The following PAK5 variants were observed in gnomAD, a reference collection of about 807,000 sequenced individuals.
PAK5 encodes the protein p21 (RAC1) activated kinase 5.
PAK5 carries 16 observed loss-of-function variants against 65.9 expected under a neutral mutation model. The observed-to-expected ratio is 0.24, with a 90% confidence interval of 0.16 to 0.37. The LOEUF (loss-of-function observed/expected upper bound fraction) is 0.37. Among genes scored for constraint, PAK5 ranks in the 10% least tolerant of loss-of-function variants. The pLI, the probability that PAK5 is intolerant of heterozygous loss-of-function variation, is 1.00. For missense variants in PAK5, 785 were observed against 903.9 expected (o/e 0.87, Z 1.69); for synonymous variants, 371 against 354.9 (o/e 1.05, Z -0.51).
At chr20:9,596,020 C>A (rs996918629) in intron 3 of PAK5, among the ~76,000 whole-genome samples, 1 of 152,210 alleles carries the variant, frequency 6.6e-6, no homozygotes, top group Non-Finnish European at 1.5e-5. Context: ...TTGGCCTTCA[C>A]TGTTGAACTA....
At chr20:9,728,856 A>G (rs890258511) in intron 1 of PAK5, among the ~76,000 whole-genome samples, 1 of 152,078 alleles carries the variant, frequency 6.6e-6, no homozygotes, top group Non-Finnish European at 1.5e-5. Context: ...ACAATAGCGG[A>G]ATTAAGTCGT....
chr20:9,716,096 GA>G (rs1220078565), intron 1 of PAK5, among the ~76,000 whole-genome samples: 7 of 55,930 alleles, frequency 1.3e-4, no homozygotes, highest in Admixed American at 2.0e-4. Context: ...TGCAGTAGCT[GA>G]AAAAAAATAT....
At chr20:9,725,616 A>G (rs926065751) in intron 1 of PAK5, among the ~76,000 whole-genome samples, 3 of 152,198 alleles carry the variant, frequency 2.0e-5, no homozygotes, top group Admixed American at 6.5e-5. Context: ...GATAAATTTA[A>G]TTAATGAAGA....
chr20:9,827,570 G>C (rs1978362367), intron 1 of PAK5, among the ~76,000 whole-genome samples: 1 of 151,246 alleles, frequency 6.6e-6, no homozygotes, highest in Admixed American at 6.6e-5. Context: ...ACAAAACATT[G>C]TGATGACTGT....
chr20:9,833,390 G>A lies in PAK5; in HGVS notation c.-162+5372C>T, dbSNP rs577630089. 3.4e-3 allele frequency among the ~76,000 whole-genome samples: 520 copies of A among 151,886 alleles called. 5 individuals are homozygous for A. Among genetic ancestry groups the A allele is most frequent in the Non-Finnish European group, 3.7e-3 (252 of 67,978 alleles). On this transcript the variant is annotated intron_variant, in intron 1 of 9. Transcript: ENST00000353224. ...AATTTACTTTTGTTTCAACAATGGC[G>A]CCCATTACCACTACCACTTCCATCT...
chr20:9,537,510 T>C lies in PAK5; in HGVS notation c.*1952A>G, dbSNP rs1326033352. 5 of 211,260 alleles carry C rather than the reference T, an allele frequency of 2.4e-5. No individual in the cohort carries two copies. Among genetic ancestry groups the C allele is most frequent in the African/African-American group, 1.1e-4 (5 of 44,066 alleles). The allele number at this position is 211,260 out of a possible 1,614,324, so 13.1% of individuals were successfully genotyped here. On this transcript the variant is annotated 3_prime_UTR_variant, in exon 10 of 10. Coordinates refer to ENST00000353224, the MANE Select transcript of PAK5 (RefSeq NM_177990.4). The stretch of plus-strand genomic sequence containing the variant: ...AATGAATACTTTAAAAAATACCCGA[T>C]GGTAAGAAAATTACAGAAAAATTTC...
intron 3 of PAK5, among the ~76,000 whole-genome samples, chr20:9,616,705 A>C (rs2046663957): frequency 6.6e-6 from 1 of 152,176 alleles, no homozygotes; most frequent in Non-Finnish European, 1.5e-5. Flanking sequence ...TGCAGTGCCC[A>C]GACAAGGCCC....
chr20:9,574,318 C>A (rs1404588565), intron 4 of PAK5, among the ~76,000 whole-genome samples: 1 of 152,204 alleles, frequency 6.6e-6, no homozygotes, highest in Non-Finnish European at 1.5e-5. Context: ...TGTGCAGGGT[C>A]AGGCATACGG....
At chr20:9,686,182 G>A (rs566724275) in intron 2 of PAK5, among the ~76,000 whole-genome samples, 1 of 152,222 alleles carries the variant, frequency 6.6e-6, no homozygotes, top group African/African-American at 2.4e-5. Flanking sequence ...AAACCATGTG[G>A]GCTATTTATT....
At chr20:9,789,729 T>C (rs1363299098) in intron 1 of PAK5, among the ~76,000 whole-genome samples, 1 of 152,148 alleles carries the variant, frequency 6.6e-6, no homozygotes. Context: ...GCAGACAAAC[T>C]GTCTCCTGAA....
chr20:9,740,400 C>T (rs2048438421), intron 1 of PAK5, among the ~76,000 whole-genome samples: 2 of 152,162 alleles, frequency 1.3e-5, no homozygotes, highest in African/African-American at 4.8e-5. Context: ...CTATCCCTAA[C>T]CTGCTAGGTA....
In PAK5 at chr20:9,785,861, G is replaced by A. The variant is rs190817588; in HGVS notation, c.-162+52901C>T. Reference sequence around the variant, plus strand: ...TAGATGATGTCAAAATTCCCAAAGGGCAATTTTTTGGGCAGCCTCAAGGTC... The same window carrying A: ...TAGATGATGTCAAAATTCCCAAAGGACAATTTTTTGGGCAGCCTCAAGGTC... On this transcript the variant is annotated intron_variant, in intron 1 of 9. Coordinates refer to ENST00000353224, the MANE Select transcript of PAK5 (RefSeq NM_177990.4). Among the ~76,000 whole-genome samples the A allele has an allele frequency of 3.2e-3, 492 of 152,214 alleles. 2 individuals carry two copies. Among genetic ancestry groups the A allele is most frequent in the Admixed American group, 7.7e-3 (117 of 15,268 alleles).
chr20:9,769,415 G>T (rs1479602259), intron 1 of PAK5, among the ~76,000 whole-genome samples: 1 of 152,240 alleles, frequency 6.6e-6, no homozygotes, highest in Non-Finnish European at 1.5e-5. Context: ...AGGTGTCTCT[G>T]TGACATGCTC....
chr20:9,791,777 T>C (rs1331760300), intron 1 of PAK5, among the ~76,000 whole-genome samples: 1 of 152,142 alleles, frequency 6.6e-6, no homozygotes, highest in Non-Finnish European at 1.5e-5. Context: ...AGGCATCCGG[T>C]GGGTGACCCA....
intron 3 of PAK5, among the ~76,000 whole-genome samples, chr20:9,609,762 G>A (rs2123140241): frequency 6.6e-6 from 1 of 152,254 alleles, no homozygotes; most frequent in African/African-American, 2.4e-5. Context: ...GGAAACTTTG[G>A]CCTGTATATT....
chr20:9,604,697 G>T (rs575214422), intron 3 of PAK5, among the ~76,000 whole-genome samples: 3 of 152,230 alleles, frequency 2.0e-5, no homozygotes, highest in Admixed American at 6.5e-5. Context: ...GATCTGCTTT[G>T]TCCCTTTGCC....
intron 2 of PAK5, among the ~76,000 whole-genome samples, chr20:9,686,145 G>A (rs1569039757): frequency 6.6e-6 from 1 of 152,144 alleles, no homozygotes; most frequent in Non-Finnish European, 1.5e-5. Context: ...CTCAGCAGGA[G>A]CCAAGTCACC....
At chr20:9,774,644 C>T (rs1433426702) in intron 1 of PAK5, among the ~76,000 whole-genome samples, 2 of 152,038 alleles carry the variant, frequency 1.3e-5, no homozygotes, top group Non-Finnish European at 2.9e-5. Context: ...CTGATATAGT[C>T]ATACATTGGG....
chr20:9,632,791 T>C (rs1293224707), intron 3 of PAK5, among the ~76,000 whole-genome samples: 1 of 152,232 alleles, frequency 6.6e-6, no homozygotes, highest in African/African-American at 2.4e-5. Context: ...AATTTTGTTT[T>C]CTGACTTAGC....
Sources: gnomAD v4.1 joint callset for allele counts (sites outside exome capture counted in the v4.1 genomes callset) on GRCh38, gnomAD v4.1.1 for gene constraint, MANE v1.5 for transcripts, NCBI Gene and HGNC (gene_info 2026-07-23, HGNC 2026-07-21) for gene names.